Variants in GPSM1 observed in about 807,000 individuals in gnomAD.
GPSM1 encodes G protein-signaling modulator 1.
In GPSM1, 48 loss-of-function variants were observed where a neutral mutation model predicts 70.5. That is an observed-to-expected ratio of 0.68 (90% CI 0.54 to 0.87). The LOEUF (loss-of-function observed/expected upper bound fraction) is 0.87. GPSM1 is among the 40% of genes least tolerant of loss of function. GPSM1 has a pLI of 0.00. For synonymous variants in GPSM1, 416 were observed against 430.1 expected, an observed-to-expected ratio of 0.97 and a Z score of 0.41; for missense variants, 981 against 972.6, an observed-to-expected ratio of 1.01 and a Z score of -0.11.
rs1554769679 is a variant in GPSM1 at position 136,338,550 on chromosome 9, C to T, written c.819-5C>T. 6.2e-7 allele frequency: 1 copy of T among 1,609,660 alleles called. No individual in the cohort carries two copies. The highest frequency in any genetic ancestry group is 1.1e-5 in the South Asian group (1 of 90,592). The stretch of plus-strand genomic sequence containing the variant: ...CCTGGGGGCTGACCCTGCCACTCTG[C>T]ACAGGAAGACGCTGCAACTGTCTCG... On this transcript the variant is annotated splice_region_variant and splice_polypyrimidine_tract_variant and intron_variant, in intron 6 of 13. Transcript: ENST00000440944.
intron 11 of GPSM1, among the ~76,000 whole-genome samples, chr9:136,352,752 G>A (rs1242523066): frequency 3.9e-5 from 6 of 152,244 alleles, no homozygotes; most frequent in Non-Finnish European, 7.3e-5. Flanking sequence ...AGCTCTGGAG[G>A]GAGGCCCAGG....
chr9:136,357,847 C>T (rs1216945045), intron 13 of GPSM1, among the ~76,000 whole-genome samples, 167 bp from the exon 14 acceptor site: 1 of 152,234 alleles, frequency 6.6e-6, no homozygotes, highest in Admixed American at 6.5e-5. Flanking sequence ...GGCCCGGGCT[C>T]CCAGCACAAG....
At chr9:136,350,754 G>A (rs1354527763) in intron 11 of GPSM1, among the ~76,000 whole-genome samples, 5 of 152,220 alleles carry the variant, frequency 3.3e-5, no homozygotes, top group African/African-American at 7.2e-5. Flanking sequence ...CAGCCTGGGC[G>A]CCACCCGGGT....
Position 136,355,981 on chromosome 9 carries a change from G to A in GPSM1, c.1612+135G>A, listed in dbSNP as rs1009003717. The A allele has an allele frequency of 7.3e-5, 52 of 715,968 alleles. No individual in the cohort carries two copies. The East Asian group carries it at 1.3e-3, about 18-fold the overall frequency. The allele number at this position is 715,968 out of a possible 1,614,324, so 44.4% of individuals were successfully genotyped here. On this transcript the variant is annotated intron_variant, in intron 12 of 13. Transcript: ENST00000440944. ...AGCTGCAGAGCACCCTGTCACTGAG[G>A]GCGCCCTCCGCAGCCCCCACAGAGC... is the stretch of plus-strand genomic sequence containing the variant.
At chr9:136,336,697 C>T (rs114556763) in intron 3 of GPSM1, among the ~76,000 whole-genome samples, 2,205 of 152,290 alleles carry the variant, frequency 0.014, 50 homozygotes, top group African/African-American at 0.05. Flanking sequence ...ACCCTGGCCA[C>T]GCCAATCCGC....
At chr9:136,327,887 C>T (rs968061641) in intron 1 of GPSM1, 124 bp downstream of exon 1, 3 of 242,686 alleles carry the variant, frequency 1.2e-5, no homozygotes, top group Non-Finnish European at 2.2e-5. Flanking sequence ...TGGCTGAGGA[C>T]GCGCCCCTCC....
At chr9:136,356,788 A>C (rs1832842851) in intron 13 of GPSM1, among the ~76,000 whole-genome samples, 2 of 152,170 alleles carry the variant, frequency 1.3e-5, no homozygotes, top group Admixed American at 6.5e-5. Context: ...TGGCAACCCC[A>C]GGACACTCCC....
chr9:136,345,137 C>G (rs976949858), intron 9 of GPSM1, among the ~76,000 whole-genome samples: 1 of 152,176 alleles, frequency 6.6e-6, no homozygotes, highest in South Asian at 2.1e-4. Flanking sequence ...GCCGGCGGGG[C>G]GGGTGCTGCC....
chr9:136,357,117 G>A (rs552523095), intron 13 of GPSM1, among the ~76,000 whole-genome samples: 16 of 152,350 alleles, frequency 1.1e-4, no homozygotes, highest in African/African-American at 3.8e-4. Context: ...GTGTGGGGGT[G>A]AGCCAGGTAG....
chr9:136,336,547 C>T (rs1564343446), intron 3 of GPSM1, among the ~76,000 whole-genome samples: 1 of 152,160 alleles, frequency 6.6e-6, no homozygotes, highest in Non-Finnish European at 1.5e-5. Context: ...CCCTGTGAGG[C>T]GAGAAAACCA....
Position 136,327,714 on chromosome 9 carries a change from C to A in GPSM1, c.19C>A (p.Pro7Thr). 3 of 1,171,272 alleles carry A rather than the reference C, an allele frequency of 2.6e-6. No homozygotes were observed. Among genetic ancestry groups the A allele is most frequent in the Non-Finnish European group, 3.2e-6 (3 of 950,586 alleles). 72.6% of individuals were successfully genotyped at this position (1,171,272 alleles called of 1,614,324 possible). ...CCGACCCATGGCGGGCCCGGCCCCG[C>A]CCGCGGCCGACGAGCTCCCGGGCCC... MAGPAP[P>T]AADELPGPAA... The change falls in exon 1 of 14, where the codon CCC (proline) becomes ACC (threonine). Residue 7 changes from proline to threonine, a missense_variant. Physicochemically the swap from Pro to Thr is conservative, Grantham distance 38. Coordinates refer to ENST00000440944, the MANE Select transcript of GPSM1 (RefSeq NM_001145638.3).
At chr9:136,357,421 G>A (rs1482337895) in intron 13 of GPSM1, among the ~76,000 whole-genome samples, 1 of 152,170 alleles carries the variant, frequency 6.6e-6, no homozygotes, top group Admixed American at 6.5e-5. Flanking sequence ...CCATCCACAC[G>A]CATGCCTGCG....
chr9:136,344,774 G>A (rs1321713609), intron 9 of GPSM1, among the ~76,000 whole-genome samples: 2 of 152,242 alleles, frequency 1.3e-5, no homozygotes, highest in East Asian at 3.9e-4. Flanking sequence ...GGGACAGGGA[G>A]ACTGTCTGGA....
At chr9:136,353,858 G>GC (rs1254412109) in intron 11 of GPSM1, among the ~76,000 whole-genome samples, 2 of 152,176 alleles carry the variant, frequency 1.3e-5, no homozygotes, top group Non-Finnish European at 2.9e-5. Flanking sequence ...TACCTGTGTG[G>GC]CCCCAACTGG....
In GPSM1 at chr9:136,340,034, C is replaced by T. The variant is rs1412568479; in HGVS notation, c.1083+219C>T. Among the ~76,000 whole-genome samples, 2 of 152,222 alleles carry T rather than the reference C, an allele frequency of 1.3e-5. No individual in the cohort carries two copies. The highest frequency in any genetic ancestry group is 2.1e-4 in the South Asian group (1 of 4,828). Reference sequence around the variant, plus strand: ...CAGCTGGTGCCTTCCTGGGCAGCTGCGTCTCCTCCTCCTTGGAGAGTTTGC... The same window carrying T: ...CAGCTGGTGCCTTCCTGGGCAGCTGTGTCTCCTCCTCCTTGGAGAGTTTGC... On this transcript the variant is annotated intron_variant, in intron 8 of 13. Coordinates refer to ENST00000440944, the MANE Select transcript of GPSM1 (RefSeq NM_001145638.3). The surrounding 1 kb of genome is among the most constrained non-coding windows in gnomAD (Gnocchi z 7.3).
intron 1 of GPSM1, among the ~76,000 whole-genome samples, chr9:136,329,618 AGG>A (rs1194614867): frequency 3.3e-5 from 5 of 152,160 alleles, no homozygotes; most frequent in Admixed American, 3.3e-4. Flanking sequence ...ATGGGGCTCC[AGG>A]TTGGCCCAAG....
intron 1 of GPSM1, among the ~76,000 whole-genome samples, chr9:136,328,593 C>T (rs1002291332): frequency 1.5e-4 from 23 of 152,340 alleles, no homozygotes; most frequent in Non-Finnish European, 2.4e-4. Context: ...TCCCGGGGGG[C>T]GCCTAGCCTG....
intron 4 of GPSM1, 85 bp from the exon 5 acceptor site, chr9:136,337,345 TGAGGCCGCATG>T (rs1832266972): frequency 6.6e-7 from 1 of 1,507,414 alleles, no homozygotes; most frequent in South Asian, 1.3e-5. Flanking sequence ...GGCATGGCCC[TGAGGCCGCATG>T]GAGGCCGCTA....
At position 136,355,789 on chromosome 9, in the gene GPSM1, G is replaced by C. The variant is rs199566409; in HGVS notation, c.1555G>C (p.Asp519His). ...GGACGACCAGCGTTGTCCCCTGGAC[G>C]ATGGCCAGGCCGGGGCTGCCGAGGC... Reference protein sequence around the residue: ...RMDDQRCPLDDGQAGAAEATA... With the variant: ...RMDDQRCPLDHGQAGAAEATA... Residue 519 changes from aspartate to histidine, a missense_variant, in exon 12 of 14, where the codon GAT (aspartate) becomes CAT (histidine). By Grantham distance (81) the Asp-to-His change is moderately conservative. Transcript: ENST00000440944. 1.9e-6 allele frequency: 3 copies of C among 1,611,846 alleles called. No individual in the cohort carries two copies. Among genetic ancestry groups the C allele is most frequent in the Non-Finnish European group, 2.5e-6 (3 of 1,179,250 alleles).
Sources: gnomAD v4.1 joint callset for allele counts (sites outside exome capture counted in the v4.1 genomes callset) on GRCh38, gnomAD v4.1.1 for gene constraint, Gnocchi (gnomAD v3.1) non-coding constraint, MANE v1.5 for transcripts, NCBI Gene and HGNC (gene_info 2026-07-23, HGNC 2026-07-21) for gene names.